The following SUSD5 variants were observed in gnomAD, a reference collection of about 807,000 sequenced individuals.
SUSD5 encodes the protein sushi domain-containing protein 5.
In SUSD5, 33 loss-of-function variants were observed where a neutral mutation model predicts 29.5. The ratio of observed to expected loss-of-function variants is 1.12; its 90% CI spans 0.85 to 1.49. The LOEUF is 1.49. Ranked by LOEUF, SUSD5 falls within the 40% of genes most tolerant of loss-of-function variation. The probability of loss-of-function intolerance (pLI) is 0.00; values close to 1 mark genes in which losing one functional copy is unlikely to be tolerated. For missense variants in SUSD5, 776 were observed against 800.6 expected (o/e 0.97, Z 0.37); for synonymous variants, 308 against 325.3 (o/e 0.95, Z 0.57).
In SUSD5 at chr3:33,152,987, G is replaced by A; in HGVS notation, c.1645C>T (p.Pro549Ser). 6.2e-7 allele frequency: 1 copy of A among 1,613,882 alleles called. No individual in the cohort carries two copies. ...EDFFGQEGPG[P>S]GASEELHPTL... The stretch of plus-strand genomic sequence containing the variant: ...GGATGAAGCTCCTCACTTGCACCTG[G>A]CCCGGGGCCTTCCTGTCCAAAGAAG... The change falls in exon 5 of 5, where the codon CCA becomes TCA. Residue 549 changes from proline (P) to serine (S), a missense_variant. Coordinates refer to ENST00000309558, the MANE Select transcript of SUSD5 (RefSeq NM_015551.2).
At chr3:33,182,934 C>T (rs2031702147) in intron 3 of SUSD5, among the ~76,000 whole-genome samples, 1 of 151,776 alleles carries the variant, frequency 6.6e-6, no homozygotes, top group Non-Finnish European at 1.5e-5. Flanking sequence ...CTACAGGTGC[C>T]TGCCACTACA....
intron 3 of SUSD5, among the ~76,000 whole-genome samples, chr3:33,187,220 G>A (rs2031796219): frequency 6.6e-6 from 1 of 152,116 alleles, no homozygotes; most frequent in Non-Finnish European, 1.5e-5. Context: ...AAGGAACACA[G>A]GGAAACTGTT....
At chr3:33,193,483 A>G (rs1313284642) in intron 3 of SUSD5, among the ~76,000 whole-genome samples, 1 of 152,126 alleles carries the variant, frequency 6.6e-6, no homozygotes, top group Non-Finnish European at 1.5e-5. Context: ...AGGCTGAGGG[A>G]TATGAGTATA....
In SUSD5 at chr3:33,174,907, G is replaced by C. The variant is rs1276580038; in HGVS notation, c.577C>G (p.Leu193Val). 1 of 1,614,004 alleles carries C rather than the reference G, an allele frequency of 6.2e-7. No individual in the cohort carries two copies. Among genetic ancestry groups the C allele is most frequent in the South Asian group, 1.1e-5 (1 of 91,086 alleles). ...TTACCTTTCCCACAGGCCTGCACCA[G>C]GCCGTACCACTCCCCACAGCTGTTA... ...LCNSCGEWYG[L>V]VQACGKDEAE... The change falls in exon 4 of 5, where the codon CTG becomes GTG. Residue 193 changes from leucine to valine, a missense_variant. Physicochemically the swap from Leu to Val is conservative, Grantham distance 32. Transcript: ENST00000309558.
chr3:33,152,708 C>G lies in SUSD5; in HGVS notation c.*34G>C. On this transcript the variant is annotated 3_prime_UTR_variant, in exon 5 of 5. Transcript: ENST00000309558. Reference sequence around the variant, plus strand: ...TGATGTGTCACAGTTATTTTCCTCCCAAGTGGCTTTGGGAGAACCCACTCC... The same window carrying G: ...TGATGTGTCACAGTTATTTTCCTCCGAAGTGGCTTTGGGAGAACCCACTCC... The G allele has an allele frequency of 1.9e-6, 3 of 1,557,098 alleles. No individual in the cohort carries two copies. The South Asian group carries it at 3.7e-5, about 19-fold the overall frequency.
chr3:33,199,100 A>T (rs1172613234), intron 3 of SUSD5, among the ~76,000 whole-genome samples: 1 of 152,164 alleles, frequency 6.6e-6, no homozygotes. Flanking sequence ...CTACTAAAAA[A>T]ATCAAAATAT....
At position 33,170,815 on chromosome 3, in the gene SUSD5, CAG is replaced by C. The variant is rs552924652; in HGVS notation, c.598+4069_598+4070del. 5.1e-4 allele frequency among the ~76,000 whole-genome samples: 77 copies of C among 152,318 alleles called. 1 individual carries two copies. The highest frequency in any genetic ancestry group is 1.4e-3 in the African/African-American group (60 of 41,584). On this transcript the variant is annotated intron_variant, in intron 4 of 4. Coordinates refer to ENST00000309558, the MANE Select transcript of SUSD5 (RefSeq NM_015551.2). ...GGCTGTCGTTAGTTATTCATGGTAA[CAG>C]GGGCTAGAGTTAATAACACACAAGG...
chr3:33,189,504 T>G, intron 3 of SUSD5, among the ~76,000 whole-genome samples: 1 of 119,776 alleles, frequency 8.3e-6, no homozygotes, highest in East Asian at 3.1e-4. Flanking sequence ...AAAAAAAAAA[T>G]TCTAGAATGA....
At chr3:33,160,514 A>G (rs1342493593) in intron 4 of SUSD5, among the ~76,000 whole-genome samples, 1 of 152,120 alleles carries the variant, frequency 6.6e-6, no homozygotes, top group Non-Finnish European at 1.5e-5. Context: ...ATGACGTGCC[A>G]CTGCACTCCA....
rs7616206 is a variant in SUSD5 at position 33,201,417 on chromosome 3, T to C, written c.409+6391A>G. 6.1e-3 allele frequency among the ~76,000 whole-genome samples: 935 copies of C among 152,302 alleles called. 6 individuals carry two copies. Among genetic ancestry groups the C allele is most frequent in the African/African-American group, 0.021 (875 of 41,568 alleles). On this transcript the variant is annotated intron_variant, in intron 3 of 4. Coordinates refer to ENST00000309558, the MANE Select transcript of SUSD5 (RefSeq NM_015551.2). ...ACAGAAGTGGAGAAGTCTGTCTGGG[T>C]TGTTGGTGCTCATGGCCCCAGGCCA... is the stretch of plus-strand genomic sequence containing the variant.
At chr3:33,183,997 G>T (rs1212989417) in intron 3 of SUSD5, among the ~76,000 whole-genome samples, 1 of 132,594 alleles carries the variant, frequency 7.5e-6, no homozygotes, top group East Asian at 2.1e-4. Context: ...GAGTGCAGTG[G>T]CGTGATCTCA....
At chr3:33,182,614 T>C (rs1020971410) in intron 3 of SUSD5, among the ~76,000 whole-genome samples, 2 of 152,238 alleles carry the variant, frequency 1.3e-5, no homozygotes, top group African/African-American at 4.8e-5. Flanking sequence ...GTTAGGCACA[T>C]ATACATTAAA....
At chr3:33,177,465 A>G (rs2031576154) in intron 3 of SUSD5, among the ~76,000 whole-genome samples, 1 of 152,078 alleles carries the variant, frequency 6.6e-6, no homozygotes, top group Admixed American at 6.5e-5. Flanking sequence ...TAAGAATTTC[A>G]TTTTTCCTTG....
intron 2 of SUSD5, among the ~76,000 whole-genome samples, chr3:33,208,512 A>C (rs2032265705): frequency 6.6e-6 from 1 of 152,142 alleles, no homozygotes; most frequent in Non-Finnish European, 1.5e-5. Context: ...CCTGTCTACT[A>C]ATACTTAATT....
intron 3 of SUSD5, among the ~76,000 whole-genome samples, 191 bp from the exon 4 acceptor site, chr3:33,175,265 A>G (rs2031525815): frequency 6.6e-6 from 1 of 152,202 alleles, no homozygotes; most frequent in Admixed American, 6.5e-5. Context: ...GAGGCACTCA[A>G]AAATACTTGT....
chr3:33,207,990 T>G (rs1009369645), intron 2 of SUSD5, 64 bp from the exon 3 acceptor site: 1 of 1,232,218 alleles, frequency 8.1e-7, no homozygotes, highest in Non-Finnish European at 1.2e-6. Flanking sequence ...AAGGAATAAT[T>G]CTCTTCTGCT....
intron 4 of SUSD5, among the ~76,000 whole-genome samples, chr3:33,170,267 T>A (rs1236524955): frequency 2.0e-5 from 3 of 152,172 alleles, no homozygotes; most frequent in Non-Finnish European, 4.4e-5. Flanking sequence ...TTAGTTAGAT[T>A]CTGAGTACAT....
At chr3:33,183,748 T>C (rs1211702776) in intron 3 of SUSD5, among the ~76,000 whole-genome samples, 1 of 152,048 alleles carries the variant, frequency 6.6e-6, no homozygotes, top group Non-Finnish European at 1.5e-5. Context: ...CCCTGCTCCC[T>C]AAAGAACTTC....
At chr3:33,193,333 C>T (rs1429457679) in intron 3 of SUSD5, among the ~76,000 whole-genome samples, 3 of 152,186 alleles carry the variant, frequency 2.0e-5, no homozygotes, top group Non-Finnish European at 4.4e-5. Flanking sequence ...GCCATTTGAG[C>T]TGTCCAGGAT....
Sources: gnomAD v4.1 joint callset for allele counts (sites outside exome capture counted in the v4.1 genomes callset) on GRCh38, gnomAD v4.1.1 for gene constraint, MANE v1.5 for transcripts, NCBI Gene and HGNC (gene_info 2026-07-23, HGNC 2026-07-21) for gene names.